Variants in SHISA9 observed in about 807,000 individuals in gnomAD.
The protein encoded by SHISA9 is shisa family member 9.
SHISA9 carries 13 observed loss-of-function variants against 38.0 expected under a neutral mutation model. That is an observed-to-expected ratio of 0.34 (90% CI 0.22 to 0.54). SHISA9 has a LOEUF of 0.54. Ranked by LOEUF, SHISA9 falls within the 20% of genes least tolerant of loss-of-function variation. The pLI is 0.91. For synonymous variants in SHISA9, 275 were observed against 242.0 expected, an observed-to-expected ratio of 1.14 and a Z score of -1.27; for missense variants, 538 against 575.8, an observed-to-expected ratio of 0.93 and a Z score of 0.67.
chr16:13,129,464 C>G (rs1205242931), intron 2 of SHISA9, among the ~76,000 whole-genome samples: 1 of 152,130 alleles, frequency 6.6e-6, no homozygotes. Context: ...TTTTAGTAGA[C>G]CAAGCTTCGT....
Position 13,114,580 on chromosome 16 carries a change from G to A in SHISA9, c.692-88814G>A, listed in dbSNP as rs148113131. ...AACATTTGGTTATTGCTAACAACAT[G>A]TCTTCAAATATTATTGCTTTAACAT... On this transcript the variant is annotated intron_variant, in intron 2 of 4. Coordinates refer to ENST00000558583, the MANE Select transcript of SHISA9 (RefSeq NM_001145204.3). 1.0e-3 allele frequency among the ~76,000 whole-genome samples: 154 copies of A among 151,248 alleles called. 2 individuals are homozygous for A. The highest frequency in any genetic ancestry group is 1.7e-3 in the Non-Finnish European group (118 of 67,898).
chr16:13,314,492 G>A, the SHISA9 span, among the ~76,000 whole-genome samples: 1 of 151,966 alleles, frequency 6.6e-6, no homozygotes, highest in Non-Finnish European at 1.5e-5. Context: ...CTCCCACCTC[G>A]GTCTCTCAAA....
chr16:13,207,212 G>A (rs993315273), intron 3 of SHISA9, among the ~76,000 whole-genome samples: 3 of 152,064 alleles, frequency 2.0e-5, no homozygotes, highest in Non-Finnish European at 4.4e-5. Flanking sequence ...TGCAGTGAGC[G>A]GAGATGGTGC....
Position 12,960,739 on chromosome 16 carries a change from C to T in SHISA9, c.691+43924C>T, listed in dbSNP as rs78015983. On this transcript the variant is annotated intron_variant, in intron 2 of 4. Coordinates refer to ENST00000558583, the MANE Select transcript of SHISA9 (RefSeq NM_001145204.3). ...TCCATTCTAATTTCCTTTTCATCTC[C>T]TCCCCTCACCTGTCCTCCCTTTTCT... is the stretch of plus-strand genomic sequence containing the variant. Among the ~76,000 whole-genome samples the T allele has an allele frequency of 9.9e-3, 1,513 of 152,220 alleles. 6 individuals carry two copies. The highest frequency in any genetic ancestry group is 0.028 in the East Asian group (147 of 5,166).
intron 2 of SHISA9, among the ~76,000 whole-genome samples, chr16:13,176,637 C>T (rs1290877222): frequency 6.6e-6 from 1 of 152,200 alleles, no homozygotes; most frequent in East Asian, 1.9e-4. Flanking sequence ...TTGGCCCCCT[C>T]CTGCTTACAT....
the SHISA9 span, among the ~76,000 whole-genome samples, chr16:13,400,453 A>G: frequency 7.2e-5 from 11 of 152,238 alleles, no homozygotes; most frequent in East Asian, 2.1e-3. Flanking sequence ...CTGCTTCCCA[A>G]AGGTTTCTTT....
the SHISA9 span, among the ~76,000 whole-genome samples, chr16:13,439,503 T>G: frequency 6.6e-6 from 1 of 152,228 alleles, no homozygotes; most frequent in Non-Finnish European, 1.5e-5. Context: ...TTTGTTTGTC[T>G]ATTGTACCCT....
At chr16:13,437,532 G>C in the SHISA9 span, among the ~76,000 whole-genome samples, 1 of 152,170 alleles carries the variant, frequency 6.6e-6, no homozygotes, top group African/African-American at 2.4e-5. Flanking sequence ...GAGAAGCCCG[G>C]ATGAGACCCA....
the SHISA9 span, among the ~76,000 whole-genome samples, chr16:13,517,829 C>T: frequency 2.8e-4 from 42 of 152,330 alleles, no homozygotes; most frequent in Admixed American, 4.6e-4. Context: ...ATCCTCAACT[C>T]AGATAAACGA....
the SHISA9 span, among the ~76,000 whole-genome samples, chr16:13,342,290 C>T: frequency 6.6e-6 from 1 of 152,068 alleles, no homozygotes; most frequent in East Asian, 1.9e-4. Context: ...ACAAACATCA[C>T]AGATGCCAGC....
At chr16:13,385,468 G>A in the SHISA9 span, among the ~76,000 whole-genome samples, 1 of 148,654 alleles carries the variant, frequency 6.7e-6, no homozygotes, top group South Asian at 2.1e-4. Flanking sequence ...GCAAAGAAAA[G>A]GAACAAACTG....
At chr16:13,478,907 G>A in the SHISA9 span, among the ~76,000 whole-genome samples, 1 of 152,182 alleles carries the variant, frequency 6.6e-6, no homozygotes, top group Non-Finnish European at 1.5e-5. Flanking sequence ...TGATGTTTCT[G>A]CAGGTAACAC....
At chr16:13,368,337 G>A in the SHISA9 span, among the ~76,000 whole-genome samples, 3 of 152,098 alleles carry the variant, frequency 2.0e-5, no homozygotes, top group Admixed American at 2.0e-4. Flanking sequence ...CTCCACGGGG[G>A]TTCAACAGAC....
chr16:13,014,507 T>G (rs2072717691), intron 2 of SHISA9, among the ~76,000 whole-genome samples: 1 of 152,212 alleles, frequency 6.6e-6, no homozygotes, highest in Admixed American at 6.5e-5. Flanking sequence ...TTGTGCTTAT[T>G]TCCTTATCTT....
At chr16:13,561,697 G>A in the SHISA9 span, among the ~76,000 whole-genome samples, 5 of 152,222 alleles carry the variant, frequency 3.3e-5, no homozygotes, top group African/African-American at 1.2e-4. Flanking sequence ...TGCAGGTCAA[G>A]GTAGTGACCT....
intron 4 of SHISA9, among the ~76,000 whole-genome samples, chr16:13,222,764 C>T (rs149293085): frequency 2.1e-3 from 324 of 151,794 alleles, no homozygotes; most frequent in African/African-American, 7.4e-3. Context: ...TTTACTTCTA[C>T]ACTGCACTCC....
At chr16:13,160,385 A>G (rs2050584742) in intron 2 of SHISA9, among the ~76,000 whole-genome samples, 1 of 152,206 alleles carries the variant, frequency 6.6e-6, no homozygotes, top group African/African-American at 2.4e-5. Flanking sequence ...TATTGTGTCT[A>G]GTATATTCTA....
the SHISA9 span, among the ~76,000 whole-genome samples, chr16:13,314,033 A>T: frequency 6.8e-6 from 1 of 147,068 alleles, no homozygotes; most frequent in Admixed American, 6.8e-5. Context: ...TGCTCTGCTA[A>T]CAATAAGCTG....
the SHISA9 span, among the ~76,000 whole-genome samples, chr16:13,367,297 G>T: frequency 6.7e-6 from 1 of 148,812 alleles, no homozygotes; most frequent in East Asian, 2.0e-4. Context: ...TCCCCATTAT[G>T]TTGGAGTCTA....
Sources: allele counts gnomAD v4.1 joint callset (sites outside exome capture counted in the v4.1 genomes callset), GRCh38; gene constraint gnomAD v4.1.1; transcripts MANE v1.5; gene names NCBI Gene and HGNC (gene_info 2026-07-23, HGNC 2026-07-21).